The following NAV2 variants were observed in gnomAD, a reference collection of about 807,000 sequenced individuals.
The protein encoded by NAV2 is neuron navigator 2.
Under a neutral mutation model 223.2 loss-of-function variants are expected in NAV2, and 54 were observed. The observed-to-expected ratio is 0.24, with a 90% CI of 0.19 to 0.30. The LOEUF (loss-of-function observed/expected upper bound fraction) is 0.30. Among genes scored for constraint, NAV2 ranks in the 10% least tolerant of loss-of-function variants. NAV2 has a pLI of 1.00. For missense variants in NAV2, 2,806 were observed against 3,147.5 expected, an observed-to-expected ratio of 0.89 and a Z score of 2.60; for synonymous variants, 1,279 against 1,239.3, an observed-to-expected ratio of 1.03 and a Z score of -0.67.
chr11:20,098,103 C>T (rs1371296509), intron 31 of NAV2, among the ~76,000 whole-genome samples: 2 of 152,144 alleles, frequency 1.3e-5, no homozygotes, highest in Admixed American at 6.5e-5. Flanking sequence ...GGGAAAACCA[C>T]GACTTGCAAT....
intron 1 of NAV2, among the ~76,000 whole-genome samples, chr11:19,557,156 G>C (rs2044922132): frequency 6.6e-6 from 1 of 152,212 alleles, no homozygotes; most frequent in African/African-American, 2.4e-5. Context: ...AGTGCTCTCA[G>C]ATGCCATATC....
intron 1 of NAV2, among the ~76,000 whole-genome samples, chr11:19,644,067 CGT>C (rs67980723): frequency 0.85 from 128,940 of 151,840 alleles, 56,306 homozygotes; most frequent in Middle Eastern, 0.96. Context: ...CCTCTGTGTG[CGT>C]GTGTGCATGT....
rs1039746636 is a variant in NAV2, at chr11:19,902,152, C to G, written c.931+9558C>G. Among the ~76,000 whole-genome samples, 98 of 152,290 alleles carry G rather than the reference C, an allele frequency of 6.4e-4. 1 individual carries two copies. The highest frequency in any genetic ancestry group is 2.3e-3 in the African/African-American group (94 of 41,572). Reference sequence around the variant, plus strand: ...CACCTGAGTGACGTGCCCAACTGCCCTTACTCCACCCTAGCTTTTGTCCTT... The same window carrying G: ...CACCTGAGTGACGTGCCCAACTGCCGTTACTCCACCCTAGCTTTTGTCCTT... On this transcript the variant is annotated intron_variant, in intron 6 of 37. Coordinates refer to ENST00000349880, the MANE Select transcript of NAV2 (RefSeq NM_145117.5).
chr11:19,947,253 T>C (rs2047007015), intron 9 of NAV2, among the ~76,000 whole-genome samples: 1 of 152,218 alleles, frequency 6.6e-6, no homozygotes, highest in South Asian at 2.1e-4. Context: ...GGTTAACCAC[T>C]GTGGGTTCCA....
At chr11:19,829,732 G>T (rs1285414315) in intron 1 of NAV2, among the ~76,000 whole-genome samples, 1 of 152,056 alleles carries the variant, frequency 6.6e-6, no homozygotes, top group African/African-American at 2.4e-5. Flanking sequence ...CTCCCCAATT[G>T]CCTTCACTTC....
chr11:19,941,705 T>G (rs1387774721), intron 8 of NAV2, among the ~76,000 whole-genome samples: 1 of 152,120 alleles, frequency 6.6e-6, no homozygotes, highest in Non-Finnish European at 1.5e-5. Flanking sequence ...ATGAATTCCT[T>G]CTATAGCTTA....
chr11:19,448,623 C>T (rs544268029), intron 1 of NAV2, among the ~76,000 whole-genome samples: 33 of 152,294 alleles, frequency 2.2e-4, no homozygotes, highest in African/African-American at 7.5e-4. Context: ...TGTAAGTATT[C>T]ATTATGTGAA....
chr11:19,977,041 G>A (rs1018246769), intron 10 of NAV2, among the ~76,000 whole-genome samples: 6 of 152,136 alleles, frequency 3.9e-5, no homozygotes, highest in East Asian at 1.9e-4. Flanking sequence ...GTAGGAAATC[G>A]CATAAAGGGT....
At chr11:20,046,223 C>A (rs12278654) in intron 14 of NAV2, among the ~76,000 whole-genome samples, 5 of 151,770 alleles carry the variant, frequency 3.3e-5, no homozygotes, top group Admixed American at 1.3e-4. Flanking sequence ...GTAGTCCCAG[C>A]TACTCAGGAA....
chr11:20,000,167 A>G (rs2052400113), intron 11 of NAV2, among the ~76,000 whole-genome samples: 1 of 152,228 alleles, frequency 6.6e-6, no homozygotes, highest in Non-Finnish European at 1.5e-5. Flanking sequence ...AACCCGAAGT[A>G]GTTAACACGC....
chr11:19,804,052 A>C (rs2058415687), intron 1 of NAV2, among the ~76,000 whole-genome samples: 1 of 152,192 alleles, frequency 6.6e-6, no homozygotes, highest in Non-Finnish European at 1.5e-5. Context: ...TACTTTCTGA[A>C]TCCAGGTCTA....
At chr11:19,443,696 A>G (rs1851483331) in intron 1 of NAV2, among the ~76,000 whole-genome samples, 1 of 152,230 alleles carries the variant, frequency 6.6e-6, no homozygotes, top group Admixed American at 6.5e-5. Context: ...CAAGACCCAG[A>G]CTAAGACATC....
chr11:19,667,233 G>A (rs1007127835), intron 1 of NAV2, among the ~76,000 whole-genome samples: 5 of 152,216 alleles, frequency 3.3e-5, no homozygotes, highest in East Asian at 1.9e-4. Flanking sequence ...ATTTGTAGAC[G>A]TTGAACAATT....
At chr11:19,832,712 A>C in intron 2 of NAV2, 111 bp downstream of exon 2, 1 of 800,276 alleles carries the variant, frequency 1.2e-6, no homozygotes. Flanking sequence ...TTTCTGTCTC[A>C]TGTCTTGACA....
chr11:19,479,138 C>T (rs993534024), intron 1 of NAV2, among the ~76,000 whole-genome samples: 3 of 152,026 alleles, frequency 2.0e-5, no homozygotes, highest in Admixed American at 1.3e-4. Context: ...TATAATTAAC[C>T]AAGCTGAAAG....
At chr11:20,087,821 A>G (rs1239784569) in intron 26 of NAV2, among the ~76,000 whole-genome samples, 2 of 152,076 alleles carry the variant, frequency 1.3e-5, no homozygotes, top group African/African-American at 2.4e-5. Context: ...GCTTGTGTCC[A>G]TGTCTCTGCC....
At chr11:19,597,262 C>A (rs1296290172) in intron 1 of NAV2, among the ~76,000 whole-genome samples, 2 of 152,182 alleles carry the variant, frequency 1.3e-5, no homozygotes, top group African/African-American at 4.8e-5. Flanking sequence ...AAGAAGTGCT[C>A]AATAAATCTA....
chr11:19,364,451 C>T (rs1854145167), intron 1 of NAV2, among the ~76,000 whole-genome samples: 1 of 152,252 alleles, frequency 6.6e-6, no homozygotes, highest in Non-Finnish European at 1.5e-5. Flanking sequence ...CAGACTTTCT[C>T]TTGAACCAAC....
chr11:20,022,922 C>A, intron 11 of NAV2: 1 of 1,350,000 alleles, frequency 7.4e-7, no homozygotes, highest in Non-Finnish European at 9.8e-7. Flanking sequence ...GTTGGGGGAT[C>A]GGATTTCTTT....
Sources: gnomAD v4.1 joint callset for allele counts (sites outside exome capture counted in the v4.1 genomes callset) on GRCh38, gnomAD v4.1.1 for gene constraint, MANE v1.5 for transcripts, NCBI Gene and HGNC (gene_info 2026-07-23, HGNC 2026-07-21) for gene names.